The following CLSTN2 variants were observed in gnomAD, a reference collection of about 807,000 sequenced individuals.
CLSTN2 encodes calsyntenin 2.
In CLSTN2, 48 loss-of-function variants were observed where a neutral mutation model predicts 101.2. The ratio of observed to expected loss-of-function variants is 0.47; its 90% CI spans 0.38 to 0.60. The LOEUF is 0.60. Among genes scored for constraint, CLSTN2 ranks in the 20% least tolerant of loss-of-function variants. CLSTN2 has a pLI of 0.00. For synonymous variants in CLSTN2, 481 were observed against 463.6 expected, an observed-to-expected ratio of 1.04 and a Z score of -0.48; for missense variants, 1,160 against 1,238.2, an observed-to-expected ratio of 0.94 and a Z score of 0.95.
At chr3:140,190,268 A>G (rs1027536055) in intron 2 of CLSTN2, among the ~76,000 whole-genome samples, 3 of 152,044 alleles carry the variant, frequency 2.0e-5, no homozygotes, top group Admixed American at 1.3e-4. Flanking sequence ...CTCATCCATT[A>G]ATCTTTGTGT....
intron 1 of CLSTN2, among the ~76,000 whole-genome samples, chr3:139,996,275 A>G (rs1351223654): frequency 6.6e-6 from 1 of 152,156 alleles, no homozygotes; most frequent in Non-Finnish European, 1.5e-5. Flanking sequence ...GTATCTGTAT[A>G]ATATTCCAGT....
intron 1 of CLSTN2, among the ~76,000 whole-genome samples, chr3:140,163,418 CTA>C (rs1491489741): frequency 3.1e-5 from 4 of 130,400 alleles, no homozygotes; most frequent in African/African-American, 1.8e-4. Flanking sequence ...TTTTCTATCT[CTA>C]CACACACACA....
Position 140,559,930 on chromosome 3 carries a change from G to A in CLSTN2, c.2041+1073G>A, listed in dbSNP as rs149901887. 2.3e-3 allele frequency among the ~76,000 whole-genome samples: 357 copies of A among 152,308 alleles called. 2 individuals carry two copies. Among genetic ancestry groups the A allele is most frequent in the Middle Eastern group, 0.01 (3 of 294 alleles). On this transcript the variant is annotated intron_variant, in intron 12 of 16. Transcript: ENST00000458420. Reference sequence around the variant, plus strand: ...CAGTTTCCTGGTCACAGGCCAACATGCATTAGGTTGTATGATTGTCCCTCT... The same window carrying A: ...CAGTTTCCTGGTCACAGGCCAACATACATTAGGTTGTATGATTGTCCCTCT...
chr3:140,557,528 C>G (rs1161955510), intron 11 of CLSTN2, among the ~76,000 whole-genome samples: 1 of 152,166 alleles, frequency 6.6e-6, no homozygotes, highest in East Asian at 1.9e-4. Flanking sequence ...CCTGCTGAGA[C>G]CAGGCTTCTG....
At chr3:140,520,392 A>G (rs1250800821) in intron 8 of CLSTN2, among the ~76,000 whole-genome samples, 1 of 152,234 alleles carries the variant, frequency 6.6e-6, no homozygotes, top group Non-Finnish European at 1.5e-5. Context: ...ACTTATAATC[A>G]TGGTGAAAGG....
chr3:140,288,162 A>T (rs767058130), intron 2 of CLSTN2, among the ~76,000 whole-genome samples: 26 of 151,656 alleles, frequency 1.7e-4, no homozygotes, highest in Non-Finnish European at 3.5e-4. Context: ...TGGACAACTG[A>T]CCTTCCACAT....
chr3:140,316,971 T>A (rs773530817), intron 2 of CLSTN2, among the ~76,000 whole-genome samples: 1 of 152,168 alleles, frequency 6.6e-6, no homozygotes, highest in African/African-American at 2.4e-5. Flanking sequence ...AATATACTGA[T>A]GGGGAAATTG....
At chr3:140,433,322 C>A (rs1287508153) in intron 5 of CLSTN2, among the ~76,000 whole-genome samples, 1 of 152,202 alleles carries the variant, frequency 6.6e-6, no homozygotes, top group East Asian at 1.9e-4. Flanking sequence ...ATTCATCATT[C>A]AACCTTAGAT....
chr3:140,333,623 C>T (rs538444152), intron 2 of CLSTN2, among the ~76,000 whole-genome samples: 7 of 152,094 alleles, frequency 4.6e-5, no homozygotes, highest in African/African-American at 1.7e-4. Context: ...CCACATTAGG[C>T]ATTTCATCAT....
chr3:140,506,453 T>TC (rs1172160725), intron 8 of CLSTN2, among the ~76,000 whole-genome samples: 1 of 152,106 alleles, frequency 6.6e-6, no homozygotes, highest in Non-Finnish European at 1.5e-5. Flanking sequence ...CTTCAAGCCC[T>TC]CCCCTCACCT....
At chr3:140,311,244 G>A (rs2087164004) in intron 2 of CLSTN2, among the ~76,000 whole-genome samples, 1 of 140,748 alleles carries the variant, frequency 7.1e-6, no homozygotes, top group South Asian at 2.4e-4. Context: ...TGATGCATTA[G>A]TGTGTGAATT....
At chr3:140,384,946 A>G (rs1202585031) in intron 2 of CLSTN2, among the ~76,000 whole-genome samples, 2 of 152,222 alleles carry the variant, frequency 1.3e-5, no homozygotes, top group Non-Finnish European at 2.9e-5. Context: ...TGCACCTGCC[A>G]TTGTTCATCA....
In CLSTN2 at chr3:140,484,788, C is replaced by T. The variant is rs544250868; in HGVS notation, c.1344+18057C>T. On this transcript the variant is annotated intron_variant, in intron 8 of 16. Coordinates refer to ENST00000458420, the MANE Select transcript of CLSTN2 (RefSeq NM_022131.3). Reference sequence around the variant, plus strand: ...GCTTGTGCATTCATCACGTAGCTCTCGTGCTGTGGTTTTCAGCTCCATCAG... The same window carrying T: ...GCTTGTGCATTCATCACGTAGCTCTTGTGCTGTGGTTTTCAGCTCCATCAG... Among the ~76,000 whole-genome samples, 15 of 152,306 alleles carry T rather than the reference C, an allele frequency of 9.8e-5. No homozygotes were observed. The South Asian group carries it at 1.2e-3, about 13-fold the overall frequency.
At chr3:139,937,376 A>T (rs1030945609) in intron 1 of CLSTN2, among the ~76,000 whole-genome samples, 1 of 152,186 alleles carries the variant, frequency 6.6e-6, no homozygotes, top group Non-Finnish European at 1.5e-5. Flanking sequence ...GATTCACTTT[A>T]TGTGGATAAT....
intron 15 of CLSTN2, 91 bp downstream of exon 15, chr3:140,563,294 C>A: frequency 6.9e-7 from 1 of 1,452,976 alleles, no homozygotes; most frequent in Non-Finnish European, 9.4e-7. Context: ...TTGTAGCAAA[C>A]GTAGGTGCCC....
chr3:140,179,205 T>G (rs2107830559), intron 2 of CLSTN2, among the ~76,000 whole-genome samples: 1 of 152,250 alleles, frequency 6.6e-6, no homozygotes, highest in African/African-American at 2.4e-5. Context: ...TTGTAGAAAC[T>G]GTGGAAAATA....
rs1410435186 is a variant in CLSTN2 at position 140,007,740 on chromosome 3, CCTTGTGTTTGTTA to C, written c.109+72265_109+72277del. ...AGAACCTTGCAAAGCTAAGTACGCT[CCTTGTGTTTGTTA>C]CTTGTGTGTGCATACTGAGACTGTA... is the stretch of plus-strand genomic sequence containing the variant. On this transcript the variant is annotated intron_variant, in intron 1 of 16. Transcript: ENST00000458420. 2.6e-5 allele frequency among the ~76,000 whole-genome samples: 4 copies of C among 152,280 alleles called. No homozygotes were observed. The East Asian group carries it at 7.7e-4, about 29-fold the overall frequency.
chr3:140,361,037 TCAAA>T, intron 2 of CLSTN2, among the ~76,000 whole-genome samples: 1 of 152,152 alleles, frequency 6.6e-6, no homozygotes, highest in East Asian at 1.9e-4. Context: ...GATATCTAAG[TCAAA>T]CAAAGGCATC....
chr3:140,078,537 T>C (rs1039998910), intron 1 of CLSTN2, among the ~76,000 whole-genome samples: 9 of 152,188 alleles, frequency 5.9e-5, no homozygotes, highest in African/African-American at 4.8e-5. Flanking sequence ...CCAACAGTCT[T>C]CAATGACTGA....
Sources: allele counts gnomAD v4.1 joint callset (sites outside exome capture counted in the v4.1 genomes callset), GRCh38; gene constraint gnomAD v4.1.1; transcripts MANE v1.5; gene names NCBI Gene and HGNC (gene_info 2026-07-23, HGNC 2026-07-21).